Variants in ARHGAP6 observed in about 807,000 individuals in gnomAD.
The protein encoded by ARHGAP6 is rho GTPase-activating protein 6.
In ARHGAP6, 16 loss-of-function variants were observed where a neutral mutation model predicts 55.7. The observed-to-expected ratio is 0.29, with a 90% CI of 0.19 to 0.44. ARHGAP6 has a LOEUF of 0.44. ARHGAP6 is among the 20% of genes least tolerant of loss of function. The pLI is 1.00. For synonymous variants in ARHGAP6, 382 were observed against 360.9 expected (o/e 1.06, Z -0.66); for missense variants, 698 against 808.9 (o/e 0.86, Z 1.66).
At chrX:11,267,124 A>T (rs1280495052) in intron 1 of ARHGAP6, among the ~76,000 whole-genome samples, 15 of 112,209 alleles carry the variant, frequency 1.3e-4, no homozygotes, top group Non-Finnish European at 1.9e-5. Context: ...ATACTCATCA[A>T]TGGAAGTTAC....
chrX:11,459,493 G>A (rs141227241), intron 1 of ARHGAP6, among the ~76,000 whole-genome samples: 1 of 111,565 alleles, frequency 9.0e-6, no homozygotes, highest in African/African-American at 3.3e-5. Flanking sequence ...GTGGGAGTTG[G>A]GGTTGTAGAG....
chrX:11,251,053 T>C (rs952978265), intron 2 of ARHGAP6, among the ~76,000 whole-genome samples: 3 of 111,876 alleles, frequency 2.7e-5, no homozygotes, highest in Admixed American at 1.9e-4. Flanking sequence ...AGGATGTTTA[T>C]TTTTCATTTA....
intron 1 of ARHGAP6, among the ~76,000 whole-genome samples, chrX:11,455,546 C>T (rs187412791): frequency 2.7e-4 from 30 of 111,684 alleles, no homozygotes; most frequent in Admixed American, 1.9e-3. Flanking sequence ...ACCTTGCAAA[C>T]GGGAAAAAAT....
At chrX:11,475,923 G>A (rs181964506) in intron 1 of ARHGAP6, among the ~76,000 whole-genome samples, 5 of 110,666 alleles carry the variant, frequency 4.5e-5, no homozygotes, top group African/African-American at 1.3e-4. Flanking sequence ...GAAAAAAGAC[G>A]TGATCGAGAA....
intron 1 of ARHGAP6, among the ~76,000 whole-genome samples, chrX:11,357,059 T>C (rs2048939415): frequency 9.0e-6 from 1 of 111,527 alleles, no homozygotes; most frequent in Non-Finnish European, 1.9e-5. Context: ...CCTGTACCTC[T>C]CCTTAATCCA....
intron 1 of ARHGAP6, chrX:11,298,331 T>C: frequency 8.6e-7 from 1 of 1,160,594 alleles, no homozygotes; most frequent in Non-Finnish European, 1.2e-6. Context: ...TGCATTAAAA[T>C]TCCCATATTA....
chrX:11,392,777 A>T (rs2049424557), intron 1 of ARHGAP6, among the ~76,000 whole-genome samples: 1 of 111,980 alleles, frequency 8.9e-6, no homozygotes, highest in South Asian at 3.7e-4. Flanking sequence ...AACTTCTCCT[A>T]GCTGACTTCT....
At chrX:11,338,881 C>G (rs766418857) in intron 1 of ARHGAP6, among the ~76,000 whole-genome samples, 1 of 112,059 alleles carries the variant, frequency 8.9e-6, no homozygotes, top group Non-Finnish European at 1.9e-5. Flanking sequence ...TTTTGCTATA[C>G]GCACCCCTTT....
At chrX:11,587,729 G>T (rs2051752567) in intron 1 of ARHGAP6, among the ~76,000 whole-genome samples, 1 of 112,187 alleles carries the variant, frequency 8.9e-6, no homozygotes, top group Non-Finnish European at 1.9e-5. Flanking sequence ...ACCACTGCAG[G>T]TCACATATGC....
At chrX:11,561,650 T>C (rs1478753328) in intron 1 of ARHGAP6, among the ~76,000 whole-genome samples, 3 of 112,383 alleles carry the variant, frequency 2.7e-5, no homozygotes, top group Non-Finnish European at 5.6e-5. Context: ...TGAAAATTGA[T>C]GTATTAAAGA....
intron 1 of ARHGAP6, among the ~76,000 whole-genome samples, chrX:11,590,628 C>T (rs1270871969): frequency 3.8e-5 from 4 of 104,828 alleles, no homozygotes; most frequent in African/African-American, 1.4e-4. Flanking sequence ...CTACTAAAAA[C>T]ACAAAAATTA....
chrX:11,227,799 TC>T (rs201121981), intron 2 of ARHGAP6, among the ~76,000 whole-genome samples: 2 of 109,504 alleles, frequency 1.8e-5, no homozygotes, highest in South Asian at 3.8e-4. Context: ...TTTTCTTTTT[TC>T]TTTTTTTTTT....
intron 1 of ARHGAP6, among the ~76,000 whole-genome samples, chrX:11,512,840 A>G (rs917529976): frequency 8.9e-6 from 1 of 111,808 alleles, no homozygotes; most frequent in African/African-American, 3.3e-5. Context: ...CCCAGCCAAG[A>G]CCAGACAGAT....
intron 8 of ARHGAP6, among the ~76,000 whole-genome samples, chrX:11,174,858 T>G (rs924872728): frequency 8.5e-5 from 9 of 105,305 alleles, no homozygotes; most frequent in African/African-American, 3.1e-4. Context: ...CGGCTAATTT[T>G]TTTTGTATTT....
At chrX:11,567,048 A>T (rs2051450150) in intron 1 of ARHGAP6, among the ~76,000 whole-genome samples, 1 of 112,411 alleles carries the variant, frequency 8.9e-6, no homozygotes, top group Non-Finnish European at 1.9e-5. Flanking sequence ...GCAGTCCCTG[A>T]TGCAGTCTGG....
chrX:11,546,919 A>C (rs1472212311), intron 1 of ARHGAP6, among the ~76,000 whole-genome samples: 1 of 112,054 alleles, frequency 8.9e-6, no homozygotes, highest in African/African-American at 3.2e-5. Flanking sequence ...AGTAAATACA[A>C]AGGCTTCGCT....
intron 1 of ARHGAP6, among the ~76,000 whole-genome samples, chrX:11,653,705 A>C (rs1370663825): frequency 1.8e-5 from 2 of 112,078 alleles, no homozygotes; most frequent in Non-Finnish European, 1.9e-5. Flanking sequence ...TGATAGATGA[A>C]GAAACTAAGG....
intron 1 of ARHGAP6, among the ~76,000 whole-genome samples, chrX:11,490,724 C>T (rs182712162): frequency 1.8e-5 from 2 of 111,790 alleles, no homozygotes; most frequent in Non-Finnish European, 3.8e-5. Context: ...TTTGGAAATC[C>T]CAAGCCTAGA....
chrX:11,598,150 T>C (rs2051924121), intron 1 of ARHGAP6, among the ~76,000 whole-genome samples: 1 of 110,923 alleles, frequency 9.0e-6, no homozygotes, highest in Non-Finnish European at 1.9e-5. Context: ...GGTGGGCACA[T>C]GGGAGGACAG....
Sources: allele counts gnomAD v4.1 joint callset (sites outside exome capture counted in the v4.1 genomes callset), GRCh38; gene constraint gnomAD v4.1.1; transcripts MANE v1.5; gene names NCBI Gene and HGNC (gene_info 2026-07-23, HGNC 2026-07-21).